The following GAS2 variants were observed in gnomAD, a reference collection of about 807,000 sequenced individuals.
GAS2 encodes growth arrest specific 2, also known as growth arrest-specific protein 2.
In GAS2, 20 loss-of-function variants were observed where a neutral mutation model predicts 37.5. The observed-to-expected ratio is 0.53, with a 90% CI of 0.37 to 0.77. The LOEUF (loss-of-function observed/expected upper bound fraction) is 0.77, where lower values mean the gene tolerates loss of function less well. Among genes scored for constraint, GAS2 ranks in the 30% least tolerant of loss-of-function variants. GAS2 has a pLI of 0.00. For synonymous variants in GAS2, 144 were observed against 132.2 expected, an observed-to-expected ratio of 1.09 and a Z score of -0.61; for missense variants, 336 against 373.4, an observed-to-expected ratio of 0.90 and a Z score of 0.82.
intron 7 of GAS2, among the ~76,000 whole-genome samples, chr11:22,757,597 A>G (rs768693708): frequency 3.0e-4 from 46 of 152,176 alleles, no homozygotes; most frequent in Non-Finnish European, 5.9e-4. Flanking sequence ...CTATTATGAC[A>G]TGTTTTAGAA....
intron 3 of GAS2, among the ~76,000 whole-genome samples, chr11:22,686,827 G>GA (rs369044102): frequency 4.0e-5 from 6 of 151,860 alleles, no homozygotes; most frequent in Admixed American, 2.0e-4. Flanking sequence ...AACTCTGACA[G>GA]AAAAAATAAA....
chr11:22,785,243 A>T (rs1429405269), intron 7 of GAS2, among the ~76,000 whole-genome samples: 1 of 152,182 alleles, frequency 6.6e-6, no homozygotes, highest in Non-Finnish European at 1.5e-5. Context: ...GTCCGCATGG[A>T]AAAAGAAGGT....
intron 1 of GAS2, among the ~76,000 whole-genome samples, chr11:22,671,325 A>G (rs1849192099): frequency 6.6e-6 from 1 of 152,040 alleles, no homozygotes; most frequent in South Asian, 2.1e-4. Flanking sequence ...TTGGTTATCC[A>G]TTTTAGGTAG....
intron 7 of GAS2, among the ~76,000 whole-genome samples, chr11:22,785,193 C>T (rs2134519585): frequency 6.6e-6 from 1 of 152,182 alleles, no homozygotes; most frequent in South Asian, 2.1e-4. Context: ...AAAACAAAAA[C>T]AAAAATCCCC....
At chr11:22,744,767 C>T (rs538703170) in intron 5 of GAS2, among the ~76,000 whole-genome samples, 1 of 152,250 alleles carries the variant, frequency 6.6e-6, no homozygotes, top group African/African-American at 2.4e-5. Context: ...GATGCCTACT[C>T]TCTTCACTCC....
At chr11:22,682,468 C>G (rs1284901154) in intron 2 of GAS2, among the ~76,000 whole-genome samples, 1 of 151,978 alleles carries the variant, frequency 6.6e-6, no homozygotes. Flanking sequence ...AATAATTCAA[C>G]AATTTAGAGT....
intron 7 of GAS2, among the ~76,000 whole-genome samples, chr11:22,799,935 G>C (rs1361005159): frequency 6.6e-6 from 1 of 151,970 alleles, no homozygotes; most frequent in Non-Finnish European, 1.5e-5. Context: ...TCAAAGGAAG[G>C]GATTCACTTT....
At chr11:22,652,750 C>G (rs1405426442) in intron 1 of GAS2, among the ~76,000 whole-genome samples, 1 of 152,196 alleles carries the variant, frequency 6.6e-6, no homozygotes, top group African/African-American at 2.4e-5. Flanking sequence ...TGCGCTTCCC[C>G]AGTGAGGCAA....
intron 7 of GAS2, among the ~76,000 whole-genome samples, chr11:22,787,367 ATGT>A (rs532593622): frequency 2.2e-4 from 34 of 152,266 alleles, no homozygotes; most frequent in Admixed American, 5.9e-4. Context: ...GTAGAAAGTA[ATGT>A]TGTTCCTATT....
intron 1 of GAS2, among the ~76,000 whole-genome samples, chr11:22,637,653 GATATA>G (rs1441163069): frequency 8.2e-6 from 1 of 121,538 alleles, no homozygotes; most frequent in African/African-American, 3.2e-5. Flanking sequence ...ATATATTATT[GATATA>G]ATATAAAATA....
chr11:22,779,601 G>A (rs954312185), intron 7 of GAS2, among the ~76,000 whole-genome samples: 6 of 152,056 alleles, frequency 3.9e-5, no homozygotes, highest in Non-Finnish European at 7.4e-5. Flanking sequence ...GGGAGGCTGA[G>A]ACAGGAAAAT....
At chr11:22,729,651 T>A (rs945782763) in intron 4 of GAS2, among the ~76,000 whole-genome samples, 2 of 151,590 alleles carry the variant, frequency 1.3e-5, no homozygotes, top group Admixed American at 6.6e-5. Flanking sequence ...GCAAAAGACT[T>A]ATAAAAATCC....
intron 1 of GAS2, among the ~76,000 whole-genome samples, chr11:22,658,022 CTT>C (rs561156577): frequency 2.2e-5 from 3 of 138,290 alleles, no homozygotes; most frequent in African/African-American, 2.6e-5. Context: ...ACACAATTTG[CTT>C]TTTTTTTTTT....
intron 7 of GAS2, among the ~76,000 whole-genome samples, chr11:22,781,589 T>G (rs1466485281): frequency 6.6e-6 from 1 of 152,160 alleles, no homozygotes; most frequent in Non-Finnish European, 1.5e-5. Flanking sequence ...AGGAAGAGAT[T>G]AGTAACCTCT....
intron 3 of GAS2, among the ~76,000 whole-genome samples, chr11:22,710,969 G>A (rs973722727): frequency 3.9e-5 from 6 of 152,186 alleles, no homozygotes; most frequent in African/African-American, 1.4e-4. Flanking sequence ...ATAAGAGACA[G>A]GACTAACAAG....
intron 3 of GAS2, among the ~76,000 whole-genome samples, chr11:22,716,393 A>G (rs567110336): frequency 3.9e-5 from 6 of 152,252 alleles, no homozygotes; most frequent in African/African-American, 1.2e-4. Flanking sequence ...TAATCCCACC[A>G]CTTTGGAAGG....
At chr11:22,652,417 G>C (rs1848789882) in intron 1 of GAS2, among the ~76,000 whole-genome samples, 1 of 152,206 alleles carries the variant, frequency 6.6e-6, no homozygotes. Context: ...TACAGAGGCA[G>C]GCAGGCCTCC....
chr11:22,671,732 G>A (rs1849208652), intron 1 of GAS2, among the ~76,000 whole-genome samples: 1 of 152,052 alleles, frequency 6.6e-6, no homozygotes, highest in South Asian at 2.1e-4. Flanking sequence ...TACAAGGAGG[G>A]TAAAATTCCA....
intron 1 of GAS2, among the ~76,000 whole-genome samples, chr11:22,651,550 G>A (rs1186576057): frequency 6.6e-6 from 1 of 152,008 alleles, no homozygotes; most frequent in Non-Finnish European, 1.5e-5. Context: ...TCACTTTCAG[G>A]TACACCAATC....
Sources: allele counts gnomAD v4.1 joint callset (sites outside exome capture counted in the v4.1 genomes callset), GRCh38; gene constraint gnomAD v4.1.1; transcripts MANE v1.5; gene names NCBI Gene and HGNC (gene_info 2026-07-23, HGNC 2026-07-21).